Variants in PRKCI observed in about 807,000 individuals in gnomAD.
PRKCI encodes protein kinase C iota type.
A neutral mutation model predicts 84.0 loss-of-function variants in PRKCI; 43 were observed. The ratio of observed to expected loss-of-function variants is 0.51; its 90% CI spans 0.40 to 0.66. The LOEUF is 0.66. PRKCI is among the 30% of genes least tolerant of loss of function. The probability of loss-of-function intolerance (pLI) is 0.00; values close to 1 mark genes in which losing one functional copy is unlikely to be tolerated. For missense variants in PRKCI, 459 were observed against 745.6 expected (o/e 0.62, Z 4.48); for synonymous variants, 216 against 234.4 (o/e 0.92, Z 0.72).
chr3:170,291,068 G>A (rs944391994), intron 12 of PRKCI, among the ~76,000 whole-genome samples: 1 of 151,864 alleles, frequency 6.6e-6, no homozygotes, highest in African/African-American at 2.4e-5. Context: ...TCCGGGAGGC[G>A]GAGGTTGCAG....
intron 2 of PRKCI, 120 bp downstream of exon 2, chr3:170,235,471 C>T (rs1732945622): frequency 9.1e-7 from 1 of 1,097,632 alleles, no homozygotes. Flanking sequence ...AATTTGATGC[C>T]ATTCTTGTTT....
At position 170,303,187 on chromosome 3, in the gene PRKCI, C is replaced by G; in HGVS notation, c.*60C>G. On this transcript the variant is annotated 3_prime_UTR_variant, in exon 18 of 18. Transcript: ENST00000295797. ...GCCATTTAATGCATGGATAAACTTG[C>G]TGCAAGCCTGGATACAATTAACCAT... The G allele has an allele frequency of 1.5e-6, 2 of 1,313,624 alleles. No homozygotes were observed. The highest frequency in any genetic ancestry group is 2.6e-5 in the South Asian group (2 of 76,242). The allele number at this position is 1,313,624 out of a possible 1,614,324, so 81.4% of individuals were successfully genotyped here. A position where few individuals can be genotyped will look rare whatever the true frequency, so the allele number is the denominator to read the frequency against.
chr3:170,232,227 T>A (rs1342184630), intron 1 of PRKCI, among the ~76,000 whole-genome samples: 1 of 152,034 alleles, frequency 6.6e-6, no homozygotes, highest in Non-Finnish European at 1.5e-5. Context: ...ATTTTTAATT[T>A]TTTTGTAGAG....
intron 2 of PRKCI, among the ~76,000 whole-genome samples, chr3:170,250,206 G>T (rs978057520): frequency 5.3e-5 from 8 of 151,018 alleles, no homozygotes; most frequent in Non-Finnish European, 1.0e-4. Flanking sequence ...CTGGGAGCTG[G>T]AGGTTGCAGT....
intron 3 of PRKCI, among the ~76,000 whole-genome samples, chr3:170,262,364 G>A (rs1462656013): frequency 6.6e-6 from 1 of 152,096 alleles, no homozygotes; most frequent in Non-Finnish European, 1.5e-5. Flanking sequence ...CTATACCAAG[G>A]ATTTAAGGCG....
At chr3:170,236,282 G>A (rs763540535) in intron 2 of PRKCI, among the ~76,000 whole-genome samples, 3 of 146,750 alleles carry the variant, frequency 2.0e-5, no homozygotes, top group Admixed American at 6.8e-5. Flanking sequence ...TGTATTTGTA[G>A]TAGAGACGGG....
At position 170,270,562 on chromosome 3, in the gene PRKCI, G is replaced by A; in HGVS notation, c.591+1G>A. 6.3e-7 allele frequency: 1 copy of A among 1,584,034 alleles called. No homozygotes were observed. The highest frequency in any genetic ancestry group is 8.5e-7 in the Non-Finnish European group (1 of 1,169,648). On this transcript the variant is annotated splice_donor_variant, in intron 6 of 17. Transcript: ENST00000295797. LOFTEE classifies it high-confidence loss of function. The stretch of plus-strand genomic sequence containing the variant: ...ATGTGGGCGGCATTCTTTGCCACAG[G>A]TAAGATGTCTGTCCTTTTTTTTTTT...
chr3:170,275,488 G>A (rs1734093846), intron 8 of PRKCI, among the ~76,000 whole-genome samples: 1 of 151,808 alleles, frequency 6.6e-6, no homozygotes, highest in Non-Finnish European at 1.5e-5. Context: ...AATTTAGTGG[G>A]ATAACTTATT....
At chr3:170,264,587 C>T (rs1356264756) in intron 4 of PRKCI, among the ~76,000 whole-genome samples, 3 of 152,030 alleles carry the variant, frequency 2.0e-5, no homozygotes, top group African/African-American at 7.2e-5. Context: ...CCCCAAGTCA[C>T]TTATTAAATG....
chr3:170,266,861 T>C (rs1346631511), intron 4 of PRKCI, among the ~76,000 whole-genome samples: 2 of 151,972 alleles, frequency 1.3e-5, no homozygotes, highest in African/African-American at 4.8e-5. Flanking sequence ...GGTGTGGTGG[T>C]GTGTACCTGC....
intron 4 of PRKCI, among the ~76,000 whole-genome samples, chr3:170,267,227 A>C (rs1300051839): frequency 6.6e-6 from 1 of 152,146 alleles, no homozygotes; most frequent in Non-Finnish European, 1.5e-5. Flanking sequence ...TCAGAAAAAA[A>C]AAAGTATTTT....
At chr3:170,280,558 C>T (rs1208941357) in intron 9 of PRKCI, among the ~76,000 whole-genome samples, 155 bp downstream of exon 9, 2 of 152,038 alleles carry the variant, frequency 1.3e-5, no homozygotes, top group Non-Finnish European at 2.9e-5. Context: ...AAGTGATTCT[C>T]CTGCCTCAGC....
intron 5 of PRKCI, among the ~76,000 whole-genome samples, chr3:170,268,913 T>TTA (rs1399062291): frequency 5.4e-5 from 7 of 130,092 alleles, no homozygotes; most frequent in African/African-American, 2.8e-4. Flanking sequence ...TTATTATTTA[T>TTA]TTATTTTTTT....
intron 14 of PRKCI, among the ~76,000 whole-genome samples, chr3:170,295,119 G>A (rs2108866586): frequency 6.6e-6 from 1 of 152,258 alleles, no homozygotes; most frequent in Admixed American, 6.5e-5. Context: ...GGCTCAGGCA[G>A]GAGAATCACT....
chr3:170,240,724 T>C (rs1733109253), intron 2 of PRKCI, among the ~76,000 whole-genome samples: 1 of 152,226 alleles, frequency 6.6e-6, no homozygotes, highest in Admixed American at 6.5e-5. Flanking sequence ...CTCTGGCATA[T>C]GAGAAGTGCT....
At chr3:170,229,223 T>C (rs576765502) in intron 1 of PRKCI, among the ~76,000 whole-genome samples, 1 of 152,358 alleles carries the variant, frequency 6.6e-6, no homozygotes, top group Admixed American at 6.5e-5. Flanking sequence ...TTTCCACACA[T>C]GCATCTGCAA....
At chr3:170,265,190 A>G (rs76468052) in intron 4 of PRKCI, among the ~76,000 whole-genome samples, 1 of 147,308 alleles carries the variant, frequency 6.8e-6, no homozygotes, top group Non-Finnish European at 1.5e-5. Context: ...CTCTGTCTCA[A>G]AAAAAAAAAA....
At chr3:170,280,106 T>A (rs1577366826) in intron 8 of PRKCI, 121 bp from the exon 9 acceptor site, 1 of 897,094 alleles carries the variant, frequency 1.1e-6, no homozygotes, top group East Asian at 3.0e-5. Context: ...ATTAAGAACT[T>A]AAAATATTTT....
chr3:170,274,365 C>T (rs1734066493), intron 7 of PRKCI, among the ~76,000 whole-genome samples: 1 of 152,156 alleles, frequency 6.6e-6, no homozygotes, highest in Admixed American at 6.5e-5. Context: ...AATTCCTGAC[C>T]TCAAGTAATC....
Sources: gnomAD v4.1 joint callset for allele counts (sites outside exome capture counted in the v4.1 genomes callset) on GRCh38, gnomAD v4.1.1 for gene constraint, MANE v1.5 for transcripts, NCBI Gene and HGNC (gene_info 2026-07-23, HGNC 2026-07-21) for gene names.